ARHGEF12: variants seen among roughly 807,000 people sequenced by gnomAD.
The protein encoded by ARHGEF12 is KMT2A/ARHGEF12 fusion protein.
In ARHGEF12, 66 loss-of-function variants were observed where a neutral mutation model predicts 211.2. The ratio of observed to expected loss-of-function variants is 0.31; its 90% CI spans 0.26 to 0.38. The LOEUF (loss-of-function observed/expected upper bound fraction) is 0.38, where lower values mean the gene tolerates loss of function less well. Ranked by LOEUF, ARHGEF12 falls within the 10% of genes least tolerant of loss-of-function variation. ARHGEF12 has a pLI of 1.00. For synonymous variants in ARHGEF12, 592 were observed against 638.4 expected (o/e 0.93, Z 1.09); for missense variants, 1,429 against 1,869.5 (o/e 0.76, Z 4.34).
At chr11:120,475,746 G>T (rs187954370) in intron 33 of ARHGEF12, among the ~76,000 whole-genome samples, 97 of 152,058 alleles carry the variant, frequency 6.4e-4, no homozygotes, top group Admixed American at 1.9e-3. Context: ...TATTACTTTG[G>T]TTCTTTATGT....
chr11:120,380,445 A>C (rs1463865405), intron 1 of ARHGEF12, among the ~76,000 whole-genome samples: 1 of 152,136 alleles, frequency 6.6e-6, no homozygotes, highest in Non-Finnish European at 1.5e-5. Flanking sequence ...ATGTTTCCCC[A>C]GTCTCTTGGT....
At chr11:120,412,936 C>T (rs1356688909) in intron 4 of ARHGEF12, among the ~76,000 whole-genome samples, 3 of 152,186 alleles carry the variant, frequency 2.0e-5, no homozygotes. Flanking sequence ...TTGGTTTCAA[C>T]CCCACTGCCT....
intron 37 of ARHGEF12, among the ~76,000 whole-genome samples, chr11:120,479,417 T>A (rs1381543012): frequency 1.3e-5 from 2 of 152,262 alleles, no homozygotes; most frequent in African/African-American, 4.8e-5. Context: ...AACTCTATCA[T>A]TGTCTGGGTG....
At chr11:120,467,605 G>GGGGT (rs1946746258) in intron 29 of ARHGEF12, among the ~76,000 whole-genome samples, 1 of 99,822 alleles carries the variant, frequency 1.0e-5, no homozygotes, top group Non-Finnish European at 2.0e-5. Context: ...ACCACACTTG[G>GGGGT]CTTTTTTTTT....
At chr11:120,411,250 T>A (rs1944871938) in intron 4 of ARHGEF12, 3 of 152,198 alleles carry the variant, frequency 2.0e-5, no homozygotes, top group Admixed American at 1.3e-4. Flanking sequence ...CAAAAAGCAC[T>A]CATCGGAGGG....
chr11:120,408,191 T>C (rs970587494), intron 3 of ARHGEF12: 19 of 165,090 alleles, frequency 1.2e-4, no homozygotes, highest in South Asian at 6.0e-4. Flanking sequence ...GACACTTGCG[T>C]AGTCATCTAA....
chr11:120,419,237 G>GGCGTGAGCCACCGT (rs368006303), intron 4 of ARHGEF12, among the ~76,000 whole-genome samples: 1,810 of 152,020 alleles, frequency 0.012, 43 homozygotes, highest in African/African-American at 0.042. Context: ...TGCGATTACA[G>GGCGTGAGCCACCGT]GCCCGGCCTG....
intron 1 of ARHGEF12, among the ~76,000 whole-genome samples, chr11:120,404,809 A>G (rs1035635228): frequency 4.6e-5 from 7 of 152,202 alleles, no homozygotes; most frequent in Non-Finnish European, 1.5e-5. Context: ...GTCAACTTGT[A>G]TGTTCATCTG....
intron 1 of ARHGEF12, among the ~76,000 whole-genome samples, chr11:120,345,016 T>C (rs1004751257): frequency 6.6e-6 from 1 of 152,226 alleles, no homozygotes; most frequent in South Asian, 2.1e-4. Flanking sequence ...CTTAATAGAT[T>C]CCTTGCTCTA....
intron 1 of ARHGEF12, among the ~76,000 whole-genome samples, chr11:120,365,332 G>C (rs1168456310): frequency 6.6e-6 from 1 of 152,116 alleles, no homozygotes; most frequent in Non-Finnish European, 1.5e-5. Flanking sequence ...AATAATTCTT[G>C]AGACTAGGAA....
In ARHGEF12 at chr11:120,359,580, T is replaced by A. The variant is rs139727860; in HGVS notation, c.32+22305T>A. ...TTTGGAGGCTTCCCACCACAAATAC[T>A]TACGGAATATCTGGGTACAAATATC... On this transcript the variant is annotated intron_variant, in intron 1 of 40. Coordinates refer to ENST00000397843, the MANE Select transcript of ARHGEF12 (RefSeq NM_015313.3). 3.1e-3 allele frequency among the ~76,000 whole-genome samples: 472 copies of A among 152,304 alleles called. 5 individuals are homozygous for A. Among genetic ancestry groups the A allele is most frequent in the Admixed American group, 0.02 (307 of 15,290 alleles).
At chr11:120,400,042 A>G (rs985725682) in intron 1 of ARHGEF12, among the ~76,000 whole-genome samples, 2 of 152,192 alleles carry the variant, frequency 1.3e-5, no homozygotes, top group Admixed American at 6.5e-5. Context: ...CTACTTTTTC[A>G]GAAGTACATT....
chr11:120,396,647 C>T (rs1007464984), intron 1 of ARHGEF12, among the ~76,000 whole-genome samples: 7 of 152,170 alleles, frequency 4.6e-5, no homozygotes, highest in Non-Finnish European at 7.3e-5. Flanking sequence ...TTGGATATCA[C>T]ACTCTATATA....
At position 120,487,821 on chromosome 11, in the gene ARHGEF12, TAATC is replaced by T. The variant is rs1258852620; in HGVS notation, c.*2747_*2750del. 1 of 220,036 alleles carries T rather than the reference TAATC, an allele frequency of 4.5e-6. No homozygotes were observed. The highest frequency in any genetic ancestry group is 5.8e-5 in the Admixed American group (1 of 17,344). The allele number at this position is 220,036 out of a possible 1,614,324, so 13.6% of individuals were successfully genotyped here. ...GTCTCCTTCCTTTTCAGAGAACAGT[TAATC>T]AAGGCAAATCAGCAAGCCCCCAAAG... On this transcript the variant is annotated 3_prime_UTR_variant, in exon 41 of 41. Coordinates refer to ENST00000397843, the MANE Select transcript of ARHGEF12 (RefSeq NM_015313.3).
chr11:120,477,675 A>T, intron 36 of ARHGEF12, 149 bp downstream of exon 36: 1 of 612,326 alleles, frequency 1.6e-6, no homozygotes, highest in Non-Finnish European at 2.7e-6. Context: ...GGCCAACCTG[A>T]CCAACATGAC....
intron 1 of ARHGEF12, among the ~76,000 whole-genome samples, chr11:120,359,033 G>C (rs914975779): frequency 6.6e-6 from 1 of 152,138 alleles, no homozygotes; most frequent in Non-Finnish European, 1.5e-5. Context: ...TCTCTGTGGG[G>C]ATGTGTGAGG....
At chr11:120,399,388 C>G (rs1396124421) in intron 1 of ARHGEF12, among the ~76,000 whole-genome samples, 1 of 135,268 alleles carries the variant, frequency 7.4e-6, no homozygotes, top group Admixed American at 7.8e-5. Context: ...CTAGTTAATT[C>G]GAGGAGATGG....
intron 1 of ARHGEF12, among the ~76,000 whole-genome samples, chr11:120,340,314 A>G: frequency 6.6e-6 from 1 of 152,224 alleles, no homozygotes; most frequent in East Asian, 1.9e-4. Context: ...TGTCTATAAC[A>G]TTGAATTTTC....
At chr11:120,343,743 A>T (rs1480805011) in intron 1 of ARHGEF12, among the ~76,000 whole-genome samples, 1 of 152,208 alleles carries the variant, frequency 6.6e-6, no homozygotes, top group East Asian at 1.9e-4. Context: ...AGAAATTGGA[A>T]CTATATAAGA....
Sources: gnomAD v4.1 joint callset for allele counts (sites outside exome capture counted in the v4.1 genomes callset) on GRCh38, gnomAD v4.1.1 for gene constraint, MANE v1.5 for transcripts, NCBI Gene and HGNC (gene_info 2026-07-23, HGNC 2026-07-21) for gene names.